The following TANC2 variants were observed in gnomAD, a reference collection of about 807,000 sequenced individuals.
TANC2 encodes the protein protein TANC2.
A neutral mutation model predicts 210.5 loss-of-function variants in TANC2; 26 were observed. The observed-to-expected ratio is 0.12, with a 90% CI of 0.09 to 0.17. The LOEUF is 0.17. Ranked by LOEUF, TANC2 falls within the 10% of genes least tolerant of loss-of-function variation. The pLI, the probability that TANC2 is intolerant of heterozygous loss-of-function variation, is 1.00. For synonymous variants in TANC2, 931 were observed against 967.1 expected (o/e 0.96, Z 0.69); for missense variants, 2,129 against 2,608.9 (o/e 0.82, Z 4.01).
At chr17:62,974,256 T>G (rs1174810254) in intron 1 of TANC2, among the ~76,000 whole-genome samples, 1 of 152,238 alleles carries the variant, frequency 6.6e-6, no homozygotes, top group Non-Finnish European at 1.5e-5. Flanking sequence ...CATCTAACAC[T>G]GAATAAGACT....
At chr17:63,391,633 A>G (rs2147170049) in intron 17 of TANC2, 1 of 152,340 alleles carries the variant, frequency 6.6e-6, no homozygotes, top group South Asian at 2.1e-4. Context: ...TGCTCTTTTA[A>G]AAGTCACTAA....
chr17:63,365,837 A>G (rs984839176), intron 14 of TANC2, among the ~76,000 whole-genome samples: 2 of 151,926 alleles, frequency 1.3e-5, no homozygotes, highest in Non-Finnish European at 2.9e-5. Flanking sequence ...TTGTCACGTT[A>G]TCTAAGTAAG....
At chr17:63,267,824 A>G (rs1345290014) in exon 9 of TANC2, 1 of 1,613,094 alleles carries the variant, frequency 6.2e-7, no homozygotes. Flanking sequence ...CTTCTCTACG[A>G]ATGCCAAGAC....
At chr17:63,034,436 C>G (rs537879644) in intron 2 of TANC2, among the ~76,000 whole-genome samples, 12 of 152,212 alleles carry the variant, frequency 7.9e-5, no homozygotes, top group Non-Finnish European at 1.5e-4. Flanking sequence ...ATGTTATTCT[C>G]ATGCCTGCGA....
At position 63,038,339 on chromosome 17, in the gene TANC2, A is replaced by G. The variant is rs527457769; in HGVS notation, c.67+28713A>G. 6.6e-5 allele frequency among the ~76,000 whole-genome samples: 10 copies of G among 152,336 alleles called. No homozygotes were observed. The South Asian group carries it at 2.1e-3, about 32-fold the overall frequency. ...TTGCATTGAATGATTTTCAAATACT[A>G]AACTAGTCTAGCATTTCCAGGATAA... On this transcript the variant is annotated intron_variant, in intron 2 of 27. Coordinates refer to ENST00000689528, the Ensembl canonical transcript of TANC2.
intron 4 of TANC2, chr17:63,149,430 A>G (rs1198942532): frequency 3.3e-5 from 5 of 151,946 alleles, no homozygotes; most frequent in Admixed American, 3.3e-4. Context: ...TGGTCTGTCT[A>G]CTAGCCCTAA....
intron 9 of TANC2, among the ~76,000 whole-genome samples, chr17:63,302,034 T>C (rs1156457492): frequency 6.6e-6 from 1 of 152,244 alleles, no homozygotes; most frequent in Non-Finnish European, 1.5e-5. Context: ...TTTCATTATT[T>C]ACCCAGGAGT....
At chr17:63,249,282 T>G (rs1465950911) in intron 8 of TANC2, among the ~76,000 whole-genome samples, 1 of 152,214 alleles carries the variant, frequency 6.6e-6, no homozygotes, top group Non-Finnish European at 1.5e-5. Flanking sequence ...TTAAAAAGAT[T>G]TAACAATGTG....
At chr17:63,127,975 C>T (rs1191807960) in intron 4 of TANC2, among the ~76,000 whole-genome samples, 2 of 152,280 alleles carry the variant, frequency 1.3e-5, no homozygotes, top group Non-Finnish European at 2.9e-5. Context: ...CTGGGTACTT[C>T]TGTTATTCCT....
chr17:63,094,743 T>G (rs2037325088), intron 3 of TANC2, among the ~76,000 whole-genome samples: 1 of 152,188 alleles, frequency 6.6e-6, no homozygotes, highest in South Asian at 2.1e-4. Flanking sequence ...ATTTCTTTGG[T>G]GTCCATACAC....
At chr17:63,327,134 A>G (rs1014147886) in intron 11 of TANC2, among the ~76,000 whole-genome samples, 22 of 152,268 alleles carry the variant, frequency 1.4e-4, no homozygotes, top group African/African-American at 4.8e-4. Flanking sequence ...AATGCTCAGC[A>G]TAACTAATCA....
intron 5 of TANC2, among the ~76,000 whole-genome samples, chr17:63,190,404 A>G (rs186714680): frequency 1.4e-4 from 22 of 152,288 alleles, no homozygotes; most frequent in Admixed American, 6.5e-4. Flanking sequence ...TCTTTATTTC[A>G]TTGGTCTATT....
chr17:63,273,583 A>G (rs768552001), intron 9 of TANC2, among the ~76,000 whole-genome samples: 3 of 152,208 alleles, frequency 2.0e-5, no homozygotes, highest in Non-Finnish European at 4.4e-5. Context: ...GCAAACTCCA[A>G]GAACATATCT....
At chr17:63,039,268 G>A (rs1440684955) in intron 2 of TANC2, among the ~76,000 whole-genome samples, 1 of 152,114 alleles carries the variant, frequency 6.6e-6, no homozygotes, top group Non-Finnish European at 1.5e-5. Context: ...TTTGGTGATT[G>A]TCCTTCTGAA....
intron 9 of TANC2, among the ~76,000 whole-genome samples, chr17:63,274,010 C>G (rs2043797106): frequency 6.6e-6 from 1 of 152,086 alleles, no homozygotes; most frequent in Non-Finnish European, 1.5e-5. Context: ...TACAAAAGTG[C>G]AAAAATGCGT....
chr17:63,159,173 C>G (rs557113993), intron 5 of TANC2, among the ~76,000 whole-genome samples: 1 of 152,250 alleles, frequency 6.6e-6, no homozygotes, highest in South Asian at 2.1e-4. Flanking sequence ...GTAGGTCCAA[C>G]TCACACTCAA....
chr17:63,157,919 A>G (rs1017404217), intron 5 of TANC2, among the ~76,000 whole-genome samples: 20 of 152,108 alleles, frequency 1.3e-4, no homozygotes, highest in Non-Finnish European at 2.6e-4. Context: ...TGGCCTCATA[A>G]TGTTTTATGT....
intron 1 of TANC2, among the ~76,000 whole-genome samples, chr17:63,003,624 T>A: frequency 6.6e-6 from 1 of 152,220 alleles, no homozygotes; most frequent in Non-Finnish European, 1.5e-5. Flanking sequence ...CATGTAATAT[T>A]TTTAGACTGC....
At chr17:63,207,302 A>C (rs1441659503) in intron 7 of TANC2, among the ~76,000 whole-genome samples, 1 of 126,690 alleles carries the variant, frequency 7.9e-6, no homozygotes, top group Non-Finnish European at 1.6e-5. Context: ...TGCAAGCTCC[A>C]CCTCCCGGGT....
Sources: gnomAD v4.1 joint callset for allele counts (sites outside exome capture counted in the v4.1 genomes callset) on GRCh38, gnomAD v4.1.1 for gene constraint, MANE v1.5 for transcripts, NCBI Gene and HGNC (gene_info 2026-07-23, HGNC 2026-07-21) for gene names.